Variants in ANTXRL observed in about 807,000 individuals in gnomAD.
The protein encoded by ANTXRL is anthrax toxin receptor-like.
A neutral mutation model predicts 75.4 loss-of-function variants in ANTXRL; 63 were observed. The observed-to-expected ratio is 0.84, with a 90% CI of 0.68 to 1.03. The LOEUF (loss-of-function observed/expected upper bound fraction) is 1.03. Among genes scored for constraint, ANTXRL ranks in the 50% least tolerant of loss-of-function variants. The pLI is 0.00. For synonymous variants in ANTXRL, 335 were observed against 291.3 expected, an observed-to-expected ratio of 1.15 and a Z score of -1.53; for missense variants, 797 against 789.4, an observed-to-expected ratio of 1.01 and a Z score of -0.12.
At chr10:46,295,988 C>T (rs1364336427) in intron 3 of ANTXRL, 31 bp from the exon 4 acceptor site, 1 of 1,516,336 alleles carries the variant, frequency 6.6e-7, no homozygotes, top group African/African-American at 1.4e-5. Context: ...AATGTCTTTC[C>T]AGGTCAACCA....
rs1212806884 is a variant in ANTXRL, at chr10:46,287,198, T to TCAGCCTCTCTGGGCC, written c.-63_-49dup. The TCAGCCTCTCTGGGCC allele has an allele frequency of 3.3e-6, 5 of 1,511,338 alleles. No homozygotes were observed. In the East Asian group the frequency reaches 1.2e-4, roughly 37 times the overall value. The allele number at this position is 1,511,338 out of a possible 1,614,324, so 93.6% of individuals were successfully genotyped here. ...GAGGCGGCAAAGAAGGGGCCTGTGCTCAGCCTCTCTGGGCCCTGGCACAGG... is the reference window on the plus strand; with the variant it reads ...GAGGCGGCAAAGAAGGGGCCTGTGCTCAGCCTCTCTGGGCCCAGCCTCTCTGGGCCCTGGCACAGG... On this transcript the variant is annotated 5_prime_UTR_variant, in exon 1 of 17. Coordinates refer to ENST00000620264, the MANE Select transcript of ANTXRL (RefSeq NM_001278688.3).
intron 9 of ANTXRL, 35 bp downstream of exon 9, chr10:46,298,097 G>T (rs781957266): frequency 1.5e-6 from 2 of 1,342,446 alleles, no homozygotes; most frequent in South Asian, 2.5e-5. Context: ...TAGCCAAAGG[G>T]TGGTGTGCAT....
intron 1 of ANTXRL, among the ~76,000 whole-genome samples, chr10:46,291,127 AACT>A (rs1234423336): frequency 3.9e-5 from 6 of 152,180 alleles, no homozygotes; most frequent in African/African-American, 1.2e-4. Context: ...AGAAGGGTCC[AACT>A]TCATTCTTTT....
intron 16 of ANTXRL, among the ~76,000 whole-genome samples, chr10:46,322,760 G>GT (rs1839041676): frequency 6.6e-6 from 1 of 152,048 alleles, no homozygotes; most frequent in Admixed American, 6.6e-5. Context: ...TACCAAATTT[G>GT]TTTTTCCAAA....
In ANTXRL at chr10:46,315,792, G is replaced by A. The variant is rs184487487; in HGVS notation, c.1410+2476G>A. On this transcript the variant is annotated intron_variant, in intron 16 of 16. Coordinates refer to ENST00000620264, the MANE Select transcript of ANTXRL (RefSeq NM_001278688.3). ...GCAAATCCAAACATTTTTGCATTTT[G>A]GCACATAATAATGCAGGAAATTCTC... Among the ~76,000 whole-genome samples, 301 of 152,106 alleles carry A rather than the reference G, an allele frequency of 2.0e-3. 2 individuals are homozygous for A. The highest frequency in any genetic ancestry group is 6.0e-3 in the African/African-American group (250 of 41,472).
At chr10:46,294,158 C>T (rs1403230783) in intron 3 of ANTXRL, 3 of 515,178 alleles carry the variant, frequency 5.8e-6, no homozygotes, top group Non-Finnish European at 1.0e-5. Context: ...CCTGCCCTCT[C>T]TCCGCTCTGC....
chr10:46,329,295 T>C (rs1554967021), intron 16 of ANTXRL, among the ~76,000 whole-genome samples: 1 of 152,038 alleles, frequency 6.6e-6, no homozygotes, highest in Non-Finnish European at 1.5e-5. Flanking sequence ...ACAGAGGTAA[T>C]TGGGGCCTCC....
In ANTXRL at chr10:46,320,132, C is replaced by A. The variant is rs111945349; in HGVS notation, c.1410+6816C>A. 2.4e-3 allele frequency among the ~76,000 whole-genome samples: 371 copies of A among 152,262 alleles called. 6 individuals are homozygous for A. Among genetic ancestry groups the A allele is most frequent in the African/African-American group, 8.5e-3 (352 of 41,538 alleles). On this transcript the variant is annotated intron_variant, in intron 16 of 16. Coordinates refer to ENST00000620264, the MANE Select transcript of ANTXRL (RefSeq NM_001278688.3). The stretch of plus-strand genomic sequence containing the variant: ...AAGTTCCCATGATAGGTCCTGTGAT[C>A]AGAAGCAAAAACAGTCAATAACTGA...
rs781928595 is a variant in ANTXRL, at chr10:46,299,025, CAT to C, written c.796+964_796+965del. ...AGTTTAACTCTAAAGCAAGAAAAGACATGTGTGAGAAGCTCTCAGGGAAACAC... is the reference window on the plus strand; with the variant it reads ...AGTTTAACTCTAAAGCAAGAAAAGACGTGTGAGAAGCTCTCAGGGAAACAC... On this transcript the variant is annotated intron_variant, in intron 9 of 16. Transcript: ENST00000620264. 2.2e-4 allele frequency among the ~76,000 whole-genome samples: 34 copies of C among 152,050 alleles called. 1 individual carries two copies. In the East Asian group the frequency reaches 6.2e-3, roughly 28 times the overall value.
chr10:46,302,036 G>T (rs1244944300), intron 9 of ANTXRL, among the ~76,000 whole-genome samples: 4 of 152,192 alleles, frequency 2.6e-5, no homozygotes, highest in Non-Finnish European at 5.9e-5. Context: ...CCTCAGGATG[G>T]GTGCCCTGTG....
At chr10:46,325,011 T>C (rs1839147576) in intron 16 of ANTXRL, among the ~76,000 whole-genome samples, 1 of 152,186 alleles carries the variant, frequency 6.6e-6, no homozygotes, top group African/African-American at 2.4e-5. Flanking sequence ...GATGATCCTT[T>C]CACGCCAAGA....
At chr10:46,314,968 C>T (rs77498872) in intron 16 of ANTXRL, among the ~76,000 whole-genome samples, 24,824 of 151,874 alleles carry the variant, frequency 0.16, 1,761 homozygotes, top group Middle Eastern at 0.2. Flanking sequence ...TTGTGCTTCC[C>T]AACTATAGTC....
At chr10:46,289,191 T>C (rs1167394876) in intron 1 of ANTXRL, among the ~76,000 whole-genome samples, 1 of 152,138 alleles carries the variant, frequency 6.6e-6, no homozygotes, top group Non-Finnish European at 1.5e-5. Flanking sequence ...TGTTCATTGA[T>C]TGGATTGAGC....
chr10:46,296,046 A>G lies in ANTXRL; in HGVS notation c.420A>G (p.Gln140=), dbSNP rs1837357471. The change falls in exon 4 of 17, where the codon CAA becomes CAG. Residue 140 remains glutamine (Q), a synonymous_variant. Transcript: ENST00000620264. ...DKNRIKNGLD[Q]LQKIVPDGHT... ...ATAGAATAAAAAACGGTCTTGACCA[A>G]CTTCAGAAAATTGTGCCTGACGGTC... The G allele has an allele frequency of 1.3e-6, 2 of 1,535,938 alleles. No individual in the cohort carries two copies. The highest frequency in any genetic ancestry group is 1.2e-5 in the South Asian group (1 of 84,038).
At chr10:46,292,427 C>T in intron 2 of ANTXRL, among the ~76,000 whole-genome samples, 1 of 152,036 alleles carries the variant, frequency 6.6e-6, no homozygotes, top group South Asian at 2.1e-4. Context: ...GTGACTCAGT[C>T]CTGGAACTCC....
At chr10:46,310,172 G>A (rs782226108) in intron 13 of ANTXRL, among the ~76,000 whole-genome samples, 5 of 152,116 alleles carry the variant, frequency 3.3e-5, no homozygotes, top group Non-Finnish European at 7.4e-5. Flanking sequence ...GGGCAGAGAA[G>A]GACACTTGTA....
At position 46,309,194 on chromosome 10, in the gene ANTXRL, C is replaced by G; in HGVS notation, c.1126C>G (p.Arg376Gly). 1 of 1,534,164 alleles carries G rather than the reference C, an allele frequency of 6.5e-7. No individual in the cohort carries two copies. Among genetic ancestry groups the G allele is most frequent in the Non-Finnish European group, 8.7e-7 (1 of 1,146,678 alleles). The change falls in exon 13 of 17, where the codon CGC (arginine) becomes GGC (glycine). Residue 376 changes from arginine to glycine, a missense_variant. Arg to Gly is a moderately radical substitution (Grantham distance 125). Coordinates refer to ENST00000620264, the MANE Select transcript of ANTXRL (RefSeq NM_001278688.3). ...LLLCCVWRLC[R>G]KQTVKEPPPV... ...GCTGTGTTGTGTCTGGCGGCTGTGC[C>G]GCAAGCAGGCAAGTGCTCCCTGCCC...
chr10:46,308,122 G>A (rs1349139128), intron 12 of ANTXRL, among the ~76,000 whole-genome samples: 1 of 152,142 alleles, frequency 6.6e-6, no homozygotes, highest in Non-Finnish European at 1.5e-5. Context: ...GGAGGCCTGA[G>A]CCCACTCCAC....
intron 3 of ANTXRL, among the ~76,000 whole-genome samples, chr10:46,295,408 A>T (rs61845180): frequency 0.2 from 16,406 of 81,864 alleles, 2,188 homozygotes; most frequent in Non-Finnish European, 0.26. Flanking sequence ...AACCCCATTG[A>T]CAGTGGCTGA....
Sources: gnomAD v4.1 joint callset for allele counts (sites outside exome capture counted in the v4.1 genomes callset) on GRCh38, gnomAD v4.1.1 for gene constraint, MANE v1.5 for transcripts, NCBI Gene and HGNC (gene_info 2026-07-23, HGNC 2026-07-21) for gene names.